CCT3: variants seen among roughly 807,000 people sequenced by gnomAD.
The protein encoded by CCT3 is T-complex protein 1 subunit gamma.
CCT3 carries 10 observed loss-of-function variants against 65.3 expected under a neutral mutation model. That is an observed-to-expected ratio of 0.15 (90% CI 0.09 to 0.26). The LOEUF is 0.26. Among genes scored for constraint, CCT3 ranks in the 10% least tolerant of loss-of-function variants. The pLI, the probability that CCT3 is intolerant of heterozygous loss-of-function variation, is 1.00. For synonymous variants in CCT3, 225 were observed against 242.3 expected (o/e 0.93, Z 0.66); for missense variants, 626 against 708.7 (o/e 0.88, Z 1.33).
At chr1:156,328,130 G>C (rs1167529973) in intron 5 of CCT3, among the ~76,000 whole-genome samples, 13 of 141,092 alleles carry the variant, frequency 9.2e-5, no homozygotes, top group Admixed American at 1.4e-4. Context: ...GGGCGCCTCT[G>C]CCTGGCCACC....
intron 5 of CCT3, among the ~76,000 whole-genome samples, chr1:156,332,296 G>A (rs111440679): frequency 0.024 from 3,666 of 152,326 alleles, 151 homozygotes; most frequent in African/African-American, 0.084. Context: ...ACAGGTGTCA[G>A]CCACCACACT....
At chr1:156,322,426 G>A (rs542247155) in intron 6 of CCT3, among the ~76,000 whole-genome samples, 11 of 151,936 alleles carry the variant, frequency 7.2e-5, no homozygotes, top group African/African-American at 1.2e-4. Context: ...CCGAAGAGGC[G>A]GAGGTTGCAG....
At chr1:156,316,068 G>A (rs1052426521) in intron 10 of CCT3, among the ~76,000 whole-genome samples, 11 of 141,440 alleles carry the variant, frequency 7.8e-5, no homozygotes, top group Admixed American at 2.1e-4. Flanking sequence ...CGCAGGTCCC[G>A]CATCCAGATT....
At chr1:156,333,314 A>G in intron 5 of CCT3, 1 of 422,476 alleles carries the variant, frequency 2.4e-6, no homozygotes, top group Non-Finnish European at 4.3e-6. Context: ...AAAAAAGAAT[A>G]TTATAACTTA....
intron 6 of CCT3, 26 bp downstream of exon 6, chr1:156,324,946 C>G: frequency 6.9e-7 from 1 of 1,449,308 alleles, no homozygotes; most frequent in South Asian, 1.1e-5. Context: ...ATATTTGATA[C>G]TACCTATTTC....
rs1338452515 is a variant in CCT3, at chr1:156,333,533, T to A, written c.304+14A>T. The A allele has an allele frequency of 1.3e-6, 2 of 1,599,002 alleles. No individual in the cohort carries two copies. Among genetic ancestry groups the A allele is most frequent in the Non-Finnish European group, 1.7e-6 (2 of 1,166,612 alleles). On this transcript the variant is annotated intron_variant, in intron 5 of 13. Coordinates refer to ENST00000295688, the MANE Select transcript of CCT3 (RefSeq NM_005998.5). ...TTCTAATTTTTCCTTATCAACCTCT[T>A]ATTCTCCTCTTACCAAGAATAATTA...
At chr1:156,322,102 C>T (rs892761913) in intron 6 of CCT3, among the ~76,000 whole-genome samples, 8 of 152,084 alleles carry the variant, frequency 5.3e-5, no homozygotes, top group South Asian at 2.1e-4. Context: ...TTTAGCAGGG[C>T]GTGGTGGACA....
chr1:156,312,526 A>AT (rs1174871989), intron 10 of CCT3, among the ~76,000 whole-genome samples: 1 of 152,068 alleles, frequency 6.6e-6, no homozygotes, highest in Non-Finnish European at 1.5e-5. Flanking sequence ...GGGCACAGTG[A>AT]TGCATACCTG....
At chr1:156,325,120 T>C in intron 5 of CCT3, 31 bp from the exon 6 acceptor site, 2 of 1,443,700 alleles carry the variant, frequency 1.4e-6, no homozygotes, top group Non-Finnish European at 1.9e-6. Flanking sequence ...ATAGTAATAT[T>C]TAAAGCATCT....
At chr1:156,329,482 T>C (rs1469041360) in intron 5 of CCT3, among the ~76,000 whole-genome samples, 1 of 151,834 alleles carries the variant, frequency 6.6e-6, no homozygotes, top group Non-Finnish European at 1.5e-5. Flanking sequence ...ATTTTTTGTA[T>C]TTTTAGCAAA....
rs369224836 is a variant in CCT3 at position 156,312,235 on chromosome 1, G to A, written c.975-14C>T. On this transcript the variant is annotated splice_polypyrimidine_tract_variant and intron_variant, in intron 10 of 13. Transcript: ENST00000295688. The stretch of plus-strand genomic sequence containing the variant: ...GCCCCACAGGCTCTAATGGACGGAA[G>A]AGGTGGGGAGAATCAGATGATTTCA... The A allele has an allele frequency of 7.5e-6, 12 of 1,610,160 alleles. No individual in the cohort carries two copies. The highest frequency in any genetic ancestry group is 1.0e-5 in the Non-Finnish European group (12 of 1,178,146).
intron 4 of CCT3, among the ~76,000 whole-genome samples, chr1:156,334,333 A>G (rs1294989095): frequency 6.6e-6 from 1 of 152,140 alleles, no homozygotes; most frequent in Non-Finnish European, 1.5e-5. Context: ...AGATGTAACC[A>G]AGTTAGATAA....
At chr1:156,326,827 G>A (rs1030792497) in intron 5 of CCT3, among the ~76,000 whole-genome samples, 5 of 152,008 alleles carry the variant, frequency 3.3e-5, no homozygotes, top group African/African-American at 4.8e-5. Context: ...CAGGCAAATC[G>A]CTTGAGACCA....
At chr1:156,324,161 G>A (rs1271509197) in intron 6 of CCT3, among the ~76,000 whole-genome samples, 7 of 151,852 alleles carry the variant, frequency 4.6e-5, no homozygotes, top group Non-Finnish European at 7.4e-5. Flanking sequence ...TTCGCCTCCC[G>A]GGTCCAAGCG....
chr1:156,330,892 C>T (rs10908503), intron 5 of CCT3, among the ~76,000 whole-genome samples: 36,456 of 151,130 alleles, frequency 0.24, 4,895 homozygotes, highest in Non-Finnish European at 0.29. Context: ...CCAGCCTGGG[C>T]GACTCTGTCT....
chr1:156,330,665 AAAAT>A (rs1455450408), intron 5 of CCT3, among the ~76,000 whole-genome samples: 3 of 151,962 alleles, frequency 2.0e-5, no homozygotes, highest in East Asian at 1.9e-4. Context: ...CTGTCACACA[AAAAT>A]AAATAAATAA....
intron 11 of CCT3, 81 bp from the exon 12 acceptor site, chr1:156,311,276 C>T: frequency 7.1e-7 from 1 of 1,409,888 alleles, no homozygotes; most frequent in South Asian, 1.3e-5. Context: ...TTCCTAACTG[C>T]CAAAGTTAGT....
chr1:156,312,247 A>C (rs757950186), intron 10 of CCT3, 26 bp from the exon 11 acceptor site: 24 of 1,606,172 alleles, frequency 1.5e-5, no homozygotes, highest in Non-Finnish European at 2.0e-5. Flanking sequence ...GGTGGGGAGA[A>C]TCAGATGATT....
At chr1:156,313,479 G>A (rs185518547) in intron 10 of CCT3, among the ~76,000 whole-genome samples, 1 of 152,078 alleles carries the variant, frequency 6.6e-6, no homozygotes, top group East Asian at 1.9e-4. Flanking sequence ...ACATTTATTA[G>A]TAAGAAAGAG....
Sources: allele counts gnomAD v4.1 joint callset (sites outside exome capture counted in the v4.1 genomes callset), GRCh38; gene constraint gnomAD v4.1.1; transcripts MANE v1.5; gene names NCBI Gene and HGNC (gene_info 2026-07-23, HGNC 2026-07-21).